The following ORC3 variants were observed in gnomAD, a reference collection of about 807,000 sequenced individuals.
ORC3 encodes homolog of latheo, Drosophila.
A neutral mutation model predicts 100.7 loss-of-function variants in ORC3; 78 were observed. The ratio of observed to expected loss-of-function variants is 0.77; its 90% CI spans 0.65 to 0.94. The LOEUF (loss-of-function observed/expected upper bound fraction) is 0.94, where lower values mean the gene tolerates loss of function less well. Ranked by LOEUF, ORC3 falls within the 40% of genes least tolerant of loss-of-function variation. ORC3 has a pLI of 0.00. For missense variants in ORC3, 789 were observed against 823.9 expected (o/e 0.96, Z 0.52); for synonymous variants, 295 against 289.3 (o/e 1.02, Z -0.20).
chr6:87,607,405 T>G (rs946535769), intron 5 of ORC3, among the ~76,000 whole-genome samples: 4 of 151,778 alleles, frequency 2.6e-5, no homozygotes, highest in Admixed American at 6.6e-5. Context: ...TACTCCAGCC[T>G]GGGCAACAGA....
At chr6:87,590,623 C>T (rs777225172) in intron 1 of ORC3, among the ~76,000 whole-genome samples, 11 of 152,072 alleles carry the variant, frequency 7.2e-5, no homozygotes, top group Non-Finnish European at 1.5e-4. Flanking sequence ...GAGTTCTAGG[C>T]AGACAACAGA....
chr6:87,674,624 T>TTATATA, the ORC3 span, among the ~76,000 whole-genome samples: 1 of 143,474 alleles, frequency 7.0e-6, no homozygotes, highest in African/African-American at 2.7e-5. Flanking sequence ...AAGAAGGAAT[T>TTATATA]TATATATATA....
intron 14 of ORC3, among the ~76,000 whole-genome samples, chr6:87,656,340 C>T (rs1697947617): frequency 6.6e-6 from 1 of 152,172 alleles, no homozygotes; most frequent in Admixed American, 6.5e-5. Context: ...GTAATCCCAG[C>T]ACTTTGGGAG....
At chr6:87,615,919 T>C (rs1779122344) in intron 8 of ORC3, among the ~76,000 whole-genome samples, 1 of 152,156 alleles carries the variant, frequency 6.6e-6, no homozygotes. Context: ...ACATAATATA[T>C]TACTCTTCAT....
intron 13 of ORC3, among the ~76,000 whole-genome samples, chr6:87,646,937 C>CTTT (rs71021313): frequency 6.6e-6 from 1 of 151,964 alleles, no homozygotes; most frequent in African/African-American, 2.4e-5. Flanking sequence ...CCTACTGTCT[C>CTTT]TTATCATTCT....
chr6:87,677,473 G>A, the ORC3 span, among the ~76,000 whole-genome samples: 111 of 152,208 alleles, frequency 7.3e-4, no homozygotes, highest in Middle Eastern at 3.4e-3. Flanking sequence ...CTTACACAGT[G>A]ACAGCCAATT....
At position 87,611,551 on chromosome 6, in the gene ORC3, C is replaced by A. The variant is rs192566285; in HGVS notation, c.714-538C>A. On this transcript the variant is annotated intron_variant, in intron 7 of 19. Transcript: ENST00000392844. ...CCTGTAATCCCAGCACTTTGGGAGG[C>A]CGAAGTGGGTGGATCACATGAAGTC... 9.0e-4 allele frequency among the ~76,000 whole-genome samples: 137 copies of A among 152,202 alleles called. 1 individual carries two copies. Among genetic ancestry groups the A allele is most frequent in the Non-Finnish European group, 1.1e-3 (74 of 68,012 alleles).
intron 11 of ORC3, among the ~76,000 whole-genome samples, chr6:87,628,525 A>G (rs1780085000): frequency 6.6e-6 from 1 of 152,208 alleles, no homozygotes; most frequent in African/African-American, 2.4e-5. Flanking sequence ...TTACTTGTTA[A>G]TGTTTCACGT....
At chr6:87,662,460 C>A (rs980906176) in intron 16 of ORC3, among the ~76,000 whole-genome samples, 3 of 152,078 alleles carry the variant, frequency 2.0e-5, no homozygotes, top group South Asian at 4.2e-4. Context: ...AACAAAAAAA[C>A]CCCACAACTT....
At chr6:87,601,700 C>A in intron 2 of ORC3, 84 bp from the exon 3 acceptor site, 1 of 783,628 alleles carries the variant, frequency 1.3e-6, no homozygotes, top group Non-Finnish European at 2.1e-6. Flanking sequence ...ACTTCTGTCA[C>A]TTACTGTGTA....
intron 17 of ORC3, 22 bp from the exon 18 acceptor site, chr6:87,664,720 CT>C (rs1562387856): frequency 8.9e-6 from 14 of 1,569,744 alleles, no homozygotes; most frequent in Non-Finnish European, 1.2e-5. Context: ...AGTTAGTCAT[CT>C]TAGTTTACTG....
intron 6 of ORC3, among the ~76,000 whole-genome samples, chr6:87,608,678 T>G (rs1252551419): frequency 6.6e-6 from 1 of 152,218 alleles, no homozygotes; most frequent in African/African-American, 2.4e-5. Flanking sequence ...AGTATCCATT[T>G]CAGGCTTGAA....
chr6:87,649,604 G>A (rs1038702626), intron 13 of ORC3, among the ~76,000 whole-genome samples: 16 of 152,098 alleles, frequency 1.1e-4, no homozygotes, highest in East Asian at 5.8e-4. Flanking sequence ...AAAATTAGCC[G>A]GCGTGGCAGT....
the ORC3 span, chr6:87,675,492 C>G: frequency 6.7e-7 from 1 of 1,496,860 alleles, no homozygotes. Flanking sequence ...CTTGAAATAA[C>G]CTGTATTCAC....
Position 87,616,305 on chromosome 6 carries a change from C to G in ORC3, c.874-9C>G. ...GGAGTGTGTCCCCCTCCCTTTTAATCTCTTTCAGCTACTTCTTACAACTCA... is the reference window on the plus strand; with the variant it reads ...GGAGTGTGTCCCCCTCCCTTTTAATGTCTTTCAGCTACTTCTTACAACTCA... On this transcript the variant is annotated splice_polypyrimidine_tract_variant and intron_variant, in intron 8 of 19. Coordinates refer to ENST00000392844, the MANE Select transcript of ORC3 (RefSeq NM_012381.4). 1 of 1,071,514 alleles carries G rather than the reference C, an allele frequency of 9.3e-7. No homozygotes were observed. Among genetic ancestry groups the G allele is most frequent in the Non-Finnish European group, 1.4e-6 (1 of 691,184 alleles). 66.4% of individuals were successfully genotyped at this position (1,071,514 alleles called of 1,614,324 possible).
At chr6:87,590,240 C>G (rs759666253) in intron 1 of ORC3, 48 bp downstream of exon 1, 1 of 1,596,300 alleles carries the variant, frequency 6.3e-7, no homozygotes. Flanking sequence ...GCCTCATTCC[C>G]CTTTGAAGAA....
chr6:87,648,958 A>G (rs1235193903), intron 13 of ORC3, among the ~76,000 whole-genome samples: 2 of 152,160 alleles, frequency 1.3e-5, no homozygotes, highest in Non-Finnish European at 2.9e-5. Flanking sequence ...AAATATAAAC[A>G]TTGTTGTACA....
intron 2 of ORC3, among the ~76,000 whole-genome samples, chr6:87,596,415 G>C (rs1423035389): frequency 6.6e-6 from 1 of 151,370 alleles, no homozygotes; most frequent in Non-Finnish European, 1.5e-5. Context: ...TTACAGGTGT[G>C]AGTCACTGTG....
Position 87,634,975 on chromosome 6 carries a change from C to T in ORC3, c.1302+14C>T, listed in dbSNP as rs756306970. 42 of 1,218,836 alleles carry T rather than the reference C, an allele frequency of 3.4e-5. No individual in the cohort carries two copies. The African/African-American group carries it at 5.4e-4, about 16-fold the overall frequency. 75.5% of individuals were successfully genotyped at this position (1,218,836 alleles called of 1,614,324 possible). A position where few individuals can be genotyped will look rare whatever the true frequency, so the allele number is the denominator to read the frequency against. The stretch of plus-strand genomic sequence containing the variant: ...CTAGGTCGACAGGTAATCCAAGCCT[C>T]CTCATTTGTAATCCATGAAGTAGGA... On this transcript the variant is annotated intron_variant, in intron 12 of 19. Coordinates refer to ENST00000392844, the MANE Select transcript of ORC3 (RefSeq NM_012381.4).
Sources: allele counts gnomAD v4.1 joint callset (sites outside exome capture counted in the v4.1 genomes callset), GRCh38; gene constraint gnomAD v4.1.1; transcripts MANE v1.5; gene names NCBI Gene and HGNC (gene_info 2026-07-23, HGNC 2026-07-21).